PHF7: variants seen among roughly 807,000 people sequenced by gnomAD.
The protein encoded by PHF7 is E3 ubiquitin-protein ligase PHF7.
In PHF7, 24 loss-of-function variants were observed where a neutral mutation model predicts 47.5. The ratio of observed to expected loss-of-function variants is 0.51; its 90% CI spans 0.37 to 0.71. PHF7 has a LOEUF of 0.71. PHF7 is among the 30% of genes least tolerant of loss of function. PHF7 has a pLI of 0.00. For missense variants in PHF7, 361 were observed against 456.8 expected, an observed-to-expected ratio of 0.79 and a Z score of 1.91; for synonymous variants, 156 against 153.8, an observed-to-expected ratio of 1.01 and a Z score of -0.11.
chr3:52,419,183 T>C (rs1029393020), intron 4 of PHF7, among the ~76,000 whole-genome samples: 3 of 152,082 alleles, frequency 2.0e-5, no homozygotes, highest in African/African-American at 7.2e-5. Flanking sequence ...CAGCCCTCAG[T>C]AAGTGAGAGG....
chr3:52,416,108 T>G (rs892873699), intron 4 of PHF7, among the ~76,000 whole-genome samples: 10 of 152,180 alleles, frequency 6.6e-5, no homozygotes, highest in African/African-American at 2.4e-4. Flanking sequence ...TTCATTGTCG[T>G]TTTAATTTCC....
At position 52,423,202 on chromosome 3, in the gene PHF7, C is replaced by A; in HGVS notation, c.1031C>A (p.Thr344Asn). The A allele has an allele frequency of 6.2e-7, 1 of 1,613,708 alleles. No homozygotes were observed. The highest frequency in any genetic ancestry group is 1.3e-5 in the African/African-American group (1 of 75,018). ...GAAGAGAATCCGGGCCTTTCTTGGA[C>A]TGATTGGCCAGAACCTTCCTTATTA... Reference protein sequence around the residue: ...TLEENPGLSWTDWPEPSLLEK... With the variant: ...TLEENPGLSWNDWPEPSLLEK... Residue 344 changes from threonine (T) to asparagine (N), a missense_variant, in exon 11 of 11, where the codon ACT becomes AAT. Thr to Asn is a moderately conservative substitution (Grantham distance 65). Coordinates refer to ENST00000327906, the MANE Select transcript of PHF7 (RefSeq NM_016483.7).
At chr3:52,417,161 C>A (rs139342464) in intron 4 of PHF7, among the ~76,000 whole-genome samples, 256 of 152,248 alleles carry the variant, frequency 1.7e-3, no homozygotes, top group African/African-American at 6.0e-3. Flanking sequence ...TGTCATTGAT[C>A]TATGTATCTA....
At chr3:52,412,627 G>A (rs1049354187) in intron 1 of PHF7, among the ~76,000 whole-genome samples, 184 bp from the exon 2 acceptor site, 1 of 152,174 alleles carries the variant, frequency 6.6e-6, no homozygotes, top group African/African-American at 2.4e-5. Context: ...TCTTGAAAAT[G>A]GGGATAATAA....
Position 52,421,713 on chromosome 3 carries a change from T to C in PHF7, c.639T>C (p.Phe213=). 6.2e-7 allele frequency: 1 copy of C among 1,607,988 alleles called. No individual in the cohort carries two copies. Among genetic ancestry groups the C allele is most frequent in the Non-Finnish European group, 8.5e-7 (1 of 1,174,470 alleles). Residue 213 remains phenylalanine (F), a synonymous_variant, in exon 8 of 11, where the codon TTT becomes TTC. Coordinates refer to ENST00000327906, the MANE Select transcript of PHF7 (RefSeq NM_016483.7). ...CACAGTGTAACAATCGAAAAGAGTTTCCTCAAGAAATGCTGAGAATGGGAA... is the reference window on the plus strand; with the variant it reads ...CACAGTGTAACAATCGAAAAGAGTTCCCTCAAGAAATGCTGAGAATGGGAA... ...KCPQCNNRKE[F]PQEMLRMGIH...
At chr3:52,419,616 A>G (rs183264272) in intron 4 of PHF7, among the ~76,000 whole-genome samples, 17 of 151,820 alleles carry the variant, frequency 1.1e-4, no homozygotes, top group Admixed American at 2.6e-4. Flanking sequence ...TATTTTTAGT[A>G]GAGATGGGGT....
At chr3:52,416,243 T>C (rs1246463890) in intron 4 of PHF7, among the ~76,000 whole-genome samples, 4 of 150,244 alleles carry the variant, frequency 2.7e-5, no homozygotes, top group Non-Finnish European at 5.9e-5. Flanking sequence ...TGGAGTGCAG[T>C]GGTATGATCT....
Position 52,420,363 on chromosome 3 carries a change from A to G in PHF7, c.341A>G (p.Gln114Arg). Residue 114 changes from glutamine to arginine, a missense_variant, in exon 6 of 11, where the codon CAG becomes CGG. Coordinates refer to ENST00000327906, the MANE Select transcript of PHF7 (RefSeq NM_016483.7). ...KGAAINCQKD[Q>R]CLRNFHLPCG... is the part of the protein sequence containing the mutation. ...GCTGCTATCAACTGCCAGAAGGATC[A>G]GTGCCTCAGAAACTTCCATCTGCCT... The G allele has an allele frequency of 1.2e-6, 2 of 1,613,788 alleles. No individual in the cohort carries two copies. Among genetic ancestry groups the G allele is most frequent in the Non-Finnish European group, 1.7e-6 (2 of 1,179,612 alleles).
At chr3:52,419,528 T>TA (rs1212377236) in intron 4 of PHF7, among the ~76,000 whole-genome samples, 1 of 151,978 alleles carries the variant, frequency 6.6e-6, no homozygotes, top group Non-Finnish European at 1.5e-5. Flanking sequence ...CCTCTCGGGT[T>TA]CACGCCATTC....
Position 52,410,766 on chromosome 3 carries a change from G to A in PHF7, c.-551G>A, listed in dbSNP as rs975340718. ...TACAGCGGCGCCCTCAGACAGCTGG[G>A]AGGGTGGCTCTGGCCGGGAGCGGCG... On this transcript the variant is annotated 5_prime_UTR_variant, in exon 1 of 11. Coordinates refer to ENST00000327906, the MANE Select transcript of PHF7 (RefSeq NM_016483.7). 1 of 152,602 alleles carries A rather than the reference G, an allele frequency of 6.6e-6. No homozygotes were observed. The highest frequency in any genetic ancestry group is 1.5e-5 in the Non-Finnish European group (1 of 68,278). The allele number at this position is 152,602 out of a possible 1,614,324, so 9.5% of individuals were successfully genotyped here.
intron 1 of PHF7, among the ~76,000 whole-genome samples, chr3:52,412,335 A>G (rs1314210976): frequency 1.3e-5 from 2 of 152,210 alleles, no homozygotes; most frequent in East Asian, 3.9e-4. Context: ...TACCTTATCT[A>G]GCTTTCACTG....
At chr3:52,419,465 T>C (rs1408956075) in intron 4 of PHF7, among the ~76,000 whole-genome samples, 5 of 151,470 alleles carry the variant, frequency 3.3e-5, no homozygotes, top group African/African-American at 1.2e-4. Context: ...AGTCTTGTTC[T>C]GTGGCCCAGG....
In PHF7 at chr3:52,412,926, A is replaced by G; in HGVS notation, c.41+6A>G. On this transcript the variant is annotated splice_donor_region_variant and intron_variant, in intron 2 of 10. Coordinates refer to ENST00000327906, the MANE Select transcript of PHF7 (RefSeq NM_016483.7). ...AAGGAATGCCAGAGATTGAGGTAGAAGTAGTTGACATAGGGAATTTGGGAG... is the reference window on the plus strand; with the variant it reads ...AAGGAATGCCAGAGATTGAGGTAGAGGTAGTTGACATAGGGAATTTGGGAG... 1 of 1,605,802 alleles carries G rather than the reference A, an allele frequency of 6.2e-7. No individual in the cohort carries two copies. Among genetic ancestry groups the G allele is most frequent in the Non-Finnish European group, 8.5e-7 (1 of 1,173,268 alleles).
chr3:52,421,751 A>C lies in PHF7; in HGVS notation c.677A>C (p.Asp226Ala). ...CTGAGAATGGGAATTCATATTCCAGACAGGTAGTGGGAACCCCAAAGCAGG... is the reference window on the plus strand; with the variant it reads ...CTGAGAATGGGAATTCATATTCCAGCCAGGTAGTGGGAACCCCAAAGCAGG... ...EMLRMGIHIP[D>A]RDAAWELEPG... The change falls in exon 8 of 11, where the codon GAC (aspartate) becomes GCC (alanine). Residue 226 changes from aspartate to alanine, a missense_variant. Asp to Ala is a moderately radical substitution (Grantham distance 126). Transcript: ENST00000327906. 1 of 1,550,898 alleles carries C rather than the reference A, an allele frequency of 6.4e-7. No individual in the cohort carries two copies. The highest frequency in any genetic ancestry group is 8.9e-7 in the Non-Finnish European group (1 of 1,122,308).
At chr3:52,418,392 G>C (rs1312803929) in intron 4 of PHF7, among the ~76,000 whole-genome samples, 2 of 152,062 alleles carry the variant, frequency 1.3e-5, no homozygotes, top group Non-Finnish European at 2.9e-5. Context: ...TATAGATATA[G>C]TTTTTTCTTT....
At chr3:52,418,598 TC>T (rs1294151080) in intron 4 of PHF7, among the ~76,000 whole-genome samples, 3 of 152,176 alleles carry the variant, frequency 2.0e-5, no homozygotes, top group African/African-American at 4.8e-5. Flanking sequence ...CTGTTTTTCT[TC>T]CTGTATTACT....
rs201244101 is a variant in PHF7 at position 52,418,808 on chromosome 3, AT to A, written c.187-1008del. Among the ~76,000 whole-genome samples, 738 of 141,388 alleles carry A rather than the reference AT, an allele frequency of 5.2e-3. 7 individuals carry two copies. The highest frequency in any genetic ancestry group is 0.05 in the South Asian group (222 of 4,434). 92.8% of individuals were successfully genotyped at this position (141,388 alleles called of 152,430 possible). A position where few individuals can be genotyped will look rare whatever the true frequency, so the allele number is the denominator to read the frequency against. ...CATAATAGCATCTGCCATTACAGGA[AT>A]TTTTTTTTTTTTTTTTGAGACGGAG... On this transcript the variant is annotated intron_variant, in intron 4 of 10. Transcript: ENST00000327906.
At chr3:52,422,939 G>T in intron 10 of PHF7, 58 bp downstream of exon 10, 1 of 1,609,454 alleles carries the variant, frequency 6.2e-7, no homozygotes, top group Non-Finnish European at 8.5e-7. Flanking sequence ...GGGACTTGTG[G>T]TGCCTGGGAA....
chr3:52,416,180 G>C (rs538345550), intron 4 of PHF7, among the ~76,000 whole-genome samples: 1 of 148,806 alleles, frequency 6.7e-6, no homozygotes, highest in South Asian at 2.1e-4. Context: ...ATTTTCTTTG[G>C]TTTTTTGGTT....
Sources: gnomAD v4.1 joint callset for allele counts (sites outside exome capture counted in the v4.1 genomes callset) on GRCh38, gnomAD v4.1.1 for gene constraint, MANE v1.5 for transcripts, NCBI Gene and HGNC (gene_info 2026-07-23, HGNC 2026-07-21) for gene names.